Variants in PLAC8L1 observed in about 807,000 individuals in gnomAD.
PLAC8L1 encodes the protein PLAC8-like protein 1.
Under a neutral mutation model 16.3 loss-of-function variants are expected in PLAC8L1, and 13 were observed. The observed-to-expected ratio is 0.80, with a 90% confidence interval of 0.52 to 1.27. The LOEUF (loss-of-function observed/expected upper bound fraction) is 1.27, where lower values mean the gene tolerates loss of function less well. Among genes scored for constraint, PLAC8L1 ranks in the 50% most tolerant of loss-of-function variants. The pLI is 0.00. For missense variants in PLAC8L1, 184 were observed against 220.2 expected, an observed-to-expected ratio of 0.84 and a Z score of 1.04; for synonymous variants, 78 against 79.3, an observed-to-expected ratio of 0.98 and a Z score of 0.09.
chr5:146,084,645 G>A, intron 3 of PLAC8L1, 73 bp from the exon 4 acceptor site: 3 of 1,565,750 alleles, frequency 1.9e-6, no homozygotes, highest in South Asian at 2.4e-5. Context: ...CCTGTACAAT[G>A]TTACCTCCTG....
rs1190927723 is a variant in PLAC8L1, at chr5:146,089,737, CTTCT to C, written c.257-4144_257-4141del. Among the ~76,000 whole-genome samples, 4 of 142,092 alleles carry C rather than the reference CTTCT, an allele frequency of 2.8e-5. No homozygotes were observed. The East Asian group carries it at 6.1e-4, about 22-fold the overall frequency. 93.2% of individuals were successfully genotyped at this position (142,092 alleles called of 152,430 possible). ...GTAGTCTTAAGTCAGGCAACTTCTT[CTTCT>C]TTTTTTTTTTTTTTTGAGATGAAGT... On this transcript the variant is annotated intron_variant, in intron 2 of 3. Coordinates refer to ENST00000311450, the MANE Select transcript of PLAC8L1 (RefSeq NM_001029869.3).
In PLAC8L1 at chr5:146,104,319, A is replaced by G. The variant is rs1395284341; in HGVS notation, c.-8T>C. The G allele has an allele frequency of 1.3e-6, 2 of 1,595,688 alleles. No individual in the cohort carries two copies. Among genetic ancestry groups the G allele is most frequent in the Non-Finnish European group, 1.7e-6 (2 of 1,163,290 alleles). On this transcript the variant is annotated 5_prime_UTR_variant, in exon 1 of 4. Coordinates refer to ENST00000311450, the MANE Select transcript of PLAC8L1 (RefSeq NM_001029869.3). ...ACTTCCAAACCAATTCATAGTGAGA[A>G]GTGTTTTCTTGTCCTTTGGGCTATC... is the stretch of plus-strand genomic sequence containing the variant.
intron 2 of PLAC8L1, among the ~76,000 whole-genome samples, chr5:146,093,954 A>C (rs1457675350): frequency 6.6e-6 from 1 of 152,218 alleles, no homozygotes; most frequent in Non-Finnish European, 1.5e-5. Context: ...TCAGCTCCTC[A>C]GAGAGACTGT....
At chr5:146,098,405 C>T (rs925022091) in intron 1 of PLAC8L1, 113 bp from the exon 2 acceptor site, 9 of 1,025,022 alleles carry the variant, frequency 8.8e-6, no homozygotes, top group African/African-American at 4.8e-5. Flanking sequence ...TGCCAAGGGG[C>T]TCATAGCCCA....
Position 146,104,315 on chromosome 5 carries a change from G to T in PLAC8L1, c.-4C>A. On this transcript the variant is annotated 5_prime_UTR_variant, in exon 1 of 4. It introduces an in-frame stop codon into an upstream open reading frame of the 5' UTR. Transcript: ENST00000311450. ...AGTTACTTCCAAACCAATTCATAGT[G>T]AGAAGTGTTTTCTTGTCCTTTGGGC... The T allele has an allele frequency of 6.3e-7, 1 of 1,598,234 alleles. No individual in the cohort carries two copies. The highest frequency in any genetic ancestry group is 8.6e-7 in the Non-Finnish European group (1 of 1,165,606).
intron 2 of PLAC8L1, among the ~76,000 whole-genome samples, chr5:146,096,610 G>C (rs556418545): frequency 2.0e-5 from 3 of 152,158 alleles, no homozygotes; most frequent in African/African-American, 7.2e-5. Flanking sequence ...TATGTGATAT[G>C]AACCTGTTCT....
chr5:146,100,617 C>T, intron 1 of PLAC8L1, among the ~76,000 whole-genome samples: 1 of 152,006 alleles, frequency 6.6e-6, no homozygotes, highest in African/African-American at 2.4e-5. Flanking sequence ...AGCAACTAGA[C>T]ATAAATGAGT....
intron 2 of PLAC8L1, among the ~76,000 whole-genome samples, chr5:146,093,281 TAGAG>T (rs1337878544): frequency 2.0e-5 from 3 of 152,308 alleles, no homozygotes; most frequent in East Asian, 3.9e-4. Context: ...ACCAGGTGGA[TAGAG>T]AGCAAGGATG....
In PLAC8L1 at chr5:146,104,413, G is replaced by C. The variant is rs1023097665; in HGVS notation, c.-102C>G. ...GTCCAAAGTGAAACATCTCTTGAAA[G>C]AATGTTCCCTTAATATTCTGGAACC... On this transcript the variant is annotated 5_prime_UTR_variant, in exon 1 of 4. Coordinates refer to ENST00000311450, the MANE Select transcript of PLAC8L1 (RefSeq NM_001029869.3). 2.2e-6 allele frequency: 2 copies of C among 926,460 alleles called. No homozygotes were observed. The highest frequency in any genetic ancestry group is 3.5e-6 in the Non-Finnish European group (2 of 569,306). The allele number at this position is 926,460 out of a possible 1,614,324, so 57.4% of individuals were successfully genotyped here.
chr5:146,085,161 TA>T (rs1763488205), intron 3 of PLAC8L1, among the ~76,000 whole-genome samples: 1 of 152,208 alleles, frequency 6.6e-6, no homozygotes, highest in Non-Finnish European at 1.5e-5. Flanking sequence ...CTCACACCTG[TA>T]ATCGCAGCAC....
intron 2 of PLAC8L1, among the ~76,000 whole-genome samples, chr5:146,092,110 A>G (rs1454618593): frequency 6.6e-6 from 1 of 152,200 alleles, no homozygotes; most frequent in Non-Finnish European, 1.5e-5. Flanking sequence ...AAAGAAACCT[A>G]CACAAAACCA....
At chr5:146,100,637 T>C (rs1763798493) in intron 1 of PLAC8L1, among the ~76,000 whole-genome samples, 1 of 152,176 alleles carries the variant, frequency 6.6e-6, no homozygotes, top group Admixed American at 6.5e-5. Flanking sequence ...TTATTCATAG[T>C]CAAATAATCT....
In PLAC8L1 at chr5:146,104,417, G is replaced by A; in HGVS notation, c.-106C>T. ...AAAGTGAAACATCTCTTGAAAGAAT[G>A]TTCCCTTAATATTCTGGAACCTGAG... On this transcript the variant is annotated 5_prime_UTR_variant, in exon 1 of 4. Transcript: ENST00000311450. The A allele has an allele frequency of 2.2e-6, 2 of 909,854 alleles. No homozygotes were observed. The highest frequency in any genetic ancestry group is 3.6e-6 in the Non-Finnish European group (2 of 555,398). The allele number at this position is 909,854 out of a possible 1,614,324, so 56.4% of individuals were successfully genotyped here.
intron 2 of PLAC8L1, among the ~76,000 whole-genome samples, chr5:146,086,024 C>CT (rs58130114): frequency 0.02 from 1,815 of 90,356 alleles, 117 homozygotes; most frequent in Middle Eastern, 0.048. Flanking sequence ...ATTGAAAGGT[C>CT]TTTTTTTTTT....
At chr5:146,087,983 C>T (rs1171344078) in intron 2 of PLAC8L1, among the ~76,000 whole-genome samples, 2 of 152,088 alleles carry the variant, frequency 1.3e-5, no homozygotes, top group Non-Finnish European at 2.9e-5. Flanking sequence ...GGGATGGATC[C>T]AATTGTGATT....
At chr5:146,102,142 A>C (rs892638551) in intron 1 of PLAC8L1, among the ~76,000 whole-genome samples, 3 of 149,328 alleles carry the variant, frequency 2.0e-5, no homozygotes, top group African/African-American at 7.4e-5. Flanking sequence ...TGCAACCTCG[A>C]ACTCCTGGGC....
intron 1 of PLAC8L1, among the ~76,000 whole-genome samples, chr5:146,103,203 A>G (rs1414753330): frequency 6.6e-6 from 1 of 152,150 alleles, no homozygotes; most frequent in East Asian, 1.9e-4. Flanking sequence ...TTTGTCGCCC[A>G]GGCTGGAGTG....
chr5:146,091,671 A>G lies in PLAC8L1; in HGVS notation c.257-6074T>C, dbSNP rs138031940. On this transcript the variant is annotated intron_variant, in intron 2 of 3. Transcript: ENST00000311450. ...TAAAAAATTAGCCAGGCATGGTGGC[A>G]TGCACCAGTAGTCCTAGCCACTCTA... Among the ~76,000 whole-genome samples, 684 of 152,172 alleles carry G rather than the reference A, an allele frequency of 4.5e-3. 3 individuals carry two copies. The highest frequency in any genetic ancestry group is 0.016 in the African/African-American group (662 of 41,516).
intron 2 of PLAC8L1, among the ~76,000 whole-genome samples, chr5:146,091,302 T>C (rs1183056394): frequency 6.6e-6 from 1 of 152,174 alleles, no homozygotes; most frequent in Non-Finnish European, 1.5e-5. Flanking sequence ...AACTTTAAAT[T>C]TGAAACAACA....
Sources: allele counts gnomAD v4.1 joint callset (sites outside exome capture counted in the v4.1 genomes callset), GRCh38; gene constraint gnomAD v4.1.1; transcripts MANE v1.5; gene names NCBI Gene and HGNC (gene_info 2026-07-23, HGNC 2026-07-21).